The following ZNF675 variants were observed in gnomAD, a reference collection of about 807,000 sequenced individuals.
The protein encoded by ZNF675 is TRAF6 inhibitory zinc finger.
A neutral mutation model predicts 56.1 loss-of-function variants in ZNF675; 36 were observed. The ratio of observed to expected loss-of-function variants is 0.64; its 90% CI spans 0.49 to 0.85. ZNF675 has a LOEUF of 0.85. Among genes scored for constraint, ZNF675 ranks in the 40% least tolerant of loss-of-function variants. The pLI is 0.00. For missense variants in ZNF675, 663 were observed against 654.2 expected (o/e 1.01, Z -0.15); for synonymous variants, 200 against 218.9 (o/e 0.91, Z 0.76).
At chr19:23,658,972 T>TAG (rs1568289324) in intron 3 of ZNF675, among the ~76,000 whole-genome samples, 14 of 146,274 alleles carry the variant, frequency 9.6e-5, no homozygotes, top group African/African-American at 3.5e-4. Flanking sequence ...TAGATAGATA[T>TAG]AGATCTAGAG....
chr19:23,684,438 A>G (rs994197681), intron 1 of ZNF675, among the ~76,000 whole-genome samples: 20 of 151,988 alleles, frequency 1.3e-4, no homozygotes, highest in Non-Finnish European at 2.6e-4. Flanking sequence ...TGAGGTCGGG[A>G]GTTTGAGACA....
intron 1 of ZNF675, chr19:23,686,332 T>G (rs73017744): frequency 6.6e-6 from 1 of 152,228 alleles, no homozygotes; most frequent in Non-Finnish European, 1.5e-5. Flanking sequence ...CTTATTTATT[T>G]ATATATTTTT....
At chr19:23,668,851 G>A (rs960399273) in intron 1 of ZNF675, among the ~76,000 whole-genome samples, 1 of 152,166 alleles carries the variant, frequency 6.6e-6, no homozygotes, top group African/African-American at 2.4e-5. Context: ...ACGCCCACCC[G>A]GAACTCCAGC....
At chr19:23,685,043 G>A (rs1968425697) in intron 1 of ZNF675, among the ~76,000 whole-genome samples, 1 of 152,014 alleles carries the variant, frequency 6.6e-6, no homozygotes, top group African/African-American at 2.4e-5. Context: ...TTCACTCTTG[G>A]TGCCCAGGCT....
chr19:23,673,902 G>C (rs915064136), intron 1 of ZNF675, among the ~76,000 whole-genome samples: 1 of 151,820 alleles, frequency 6.6e-6, no homozygotes, highest in Non-Finnish European at 1.5e-5. Flanking sequence ...CACAATGATA[G>C]AACATTAAGA....
At chr19:23,682,214 C>T (rs1388710744) in intron 1 of ZNF675, among the ~76,000 whole-genome samples, 3 of 151,728 alleles carry the variant, frequency 2.0e-5, no homozygotes, top group Non-Finnish European at 4.4e-5. Flanking sequence ...TTATGTTCAC[C>T]CTAAGAATAT....
intron 1 of ZNF675, among the ~76,000 whole-genome samples, chr19:23,673,148 T>G (rs1201380995): frequency 6.6e-6 from 1 of 152,186 alleles, no homozygotes; most frequent in Non-Finnish European, 1.5e-5. Context: ...CAGATATAAG[T>G]TTTTTAATTT....
chr19:23,676,677 C>T (rs545378101), intron 1 of ZNF675, among the ~76,000 whole-genome samples: 123 of 151,984 alleles, frequency 8.1e-4, no homozygotes, highest in Non-Finnish European at 1.4e-3. Flanking sequence ...TAACCCTCAA[C>T]AAACTAGGCA....
intron 1 of ZNF675, among the ~76,000 whole-genome samples, chr19:23,675,274 C>A (rs561737973): frequency 6.6e-6 from 1 of 151,834 alleles, no homozygotes; most frequent in Non-Finnish European, 1.5e-5. Context: ...CTACAATACA[C>A]CACAGACACT....
rs958929697 is a variant in ZNF675, at chr19:23,682,131, T to C, written c.3+4900A>G. Among the ~76,000 whole-genome samples, 15 of 151,768 alleles carry C rather than the reference T, an allele frequency of 9.9e-5. 2 individuals are homozygous for C. Among genetic ancestry groups the C allele is most frequent in the African/African-American group, 3.7e-4 (15 of 41,060 alleles). On this transcript the variant is annotated intron_variant, in intron 1 of 3. Coordinates refer to ENST00000359788, the MANE Select transcript of ZNF675 (RefSeq NM_138330.3). ...TCAGTGGTCAAAATAAAATACTTCTTAATCAAACTTCTTTTTCCCACAGCA... is the reference window on the plus strand; with the variant it reads ...TCAGTGGTCAAAATAAAATACTTCTCAATCAAACTTCTTTTTCCCACAGCA...
At chr19:23,679,748 T>C (rs1370394610) in intron 1 of ZNF675, among the ~76,000 whole-genome samples, 2 of 151,506 alleles carry the variant, frequency 1.3e-5, no homozygotes, top group African/African-American at 4.9e-5. Context: ...CCCAGCACTT[T>C]GGGATGCAGA....
rs776174445 is a variant in ZNF675, at chr19:23,653,862, T to G, written c.1071A>C (p.Glu357Asp). The change falls in exon 4 of 4, where the codon GAA (glutamate) becomes GAC (aspartate). Residue 357 changes from glutamate to aspartate, a missense_variant. Physicochemically the swap from Glu to Asp is conservative, Grantham distance 45. This residue lies in a region of ZNF675 where 617 missense variants were observed against 590.5 expected (regional missense o/e 1.04). Coordinates refer to ENST00000359788, the MANE Select transcript of ZNF675 (RefSeq NM_138330.3). The part of the protein sequence containing the change: ...KAFNRSSKLT[E>D]HKNIHTGEQP... Reference sequence around the variant, plus strand: ...GCTCTCCAGTATGAATGTTTTTATGTTCAGTAAGTTTTGAGGATCGGTTAA... The same window carrying G: ...GCTCTCCAGTATGAATGTTTTTATGGTCAGTAAGTTTTGAGGATCGGTTAA... The G allele has an allele frequency of 6.2e-7, 1 of 1,613,786 alleles. No individual in the cohort carries two copies. The highest frequency in any genetic ancestry group is 1.3e-5 in the African/African-American group (1 of 74,918).
rs1484004351 is a variant in ZNF675, at chr19:23,658,010, T to C, written c.227-3304A>G. Among the ~76,000 whole-genome samples the C allele has an allele frequency of 7.2e-5, 11 of 152,238 alleles. No individual in the cohort carries two copies. The East Asian group carries it at 9.7e-4, about 13-fold the overall frequency. ...ACATTAATATGGAATGGCAAAACCA[T>C]AGTAAGAGAAACGTTTACTCATAAA... On this transcript the variant is annotated intron_variant, in intron 3 of 3. Coordinates refer to ENST00000359788, the MANE Select transcript of ZNF675 (RefSeq NM_138330.3).
chr19:23,675,944 T>A (rs1282073872), intron 1 of ZNF675, among the ~76,000 whole-genome samples: 1 of 122,918 alleles, frequency 8.1e-6, no homozygotes. Flanking sequence ...GTAAGATAAA[T>A]AAACCACTAG....
chr19:23,681,066 C>T lies in ZNF675; in HGVS notation c.3+5965G>A, dbSNP rs1337807538. 1.3e-5 allele frequency among the ~76,000 whole-genome samples: 2 copies of T among 151,734 alleles called. 1 individual carries two copies. Among genetic ancestry groups the T allele is most frequent in the African/African-American group, 4.9e-5 (2 of 41,032 alleles). On this transcript the variant is annotated intron_variant, in intron 1 of 3. Transcript: ENST00000359788. ...ATGTAAGTGGAAGGACTGGTTTGTACTACAGATAGTGGCTTAGGTGAGGCT... is the reference window on the plus strand; with the variant it reads ...ATGTAAGTGGAAGGACTGGTTTGTATTACAGATAGTGGCTTAGGTGAGGCT...
chr19:23,659,054 GCGCC>G (rs1196888791), intron 3 of ZNF675, among the ~76,000 whole-genome samples: 11 of 149,620 alleles, frequency 7.4e-5, no homozygotes, highest in Non-Finnish European at 1.3e-4. Flanking sequence ...TATGGTTAGA[GCGCC>G]TGATATATAA....
At chr19:23,658,032 T>G (rs1968010967) in intron 3 of ZNF675, among the ~76,000 whole-genome samples, 1 of 152,072 alleles carries the variant, frequency 6.6e-6, no homozygotes, top group Non-Finnish European at 1.5e-5. Flanking sequence ...CGTTTACTCA[T>G]AAAATCTTGC....
chr19:23,677,925 G>A lies in ZNF675; in HGVS notation c.3+9106C>T, dbSNP rs1968321241. On this transcript the variant is annotated intron_variant, in intron 1 of 3. Coordinates refer to ENST00000359788, the MANE Select transcript of ZNF675 (RefSeq NM_138330.3). Reference sequence around the variant, plus strand: ...ACCTGAGGTCGGGAGTTTGAGACTAGCCTGACCAACATAGAGAAACCCCAT... The same window carrying A: ...ACCTGAGGTCGGGAGTTTGAGACTAACCTGACCAACATAGAGAAACCCCAT... 4.0e-5 allele frequency among the ~76,000 whole-genome samples: 6 copies of A among 151,634 alleles called. No homozygotes were observed. In the South Asian group the frequency reaches 1.0e-3, roughly 26 times the overall value.
At chr19:23,682,327 T>C (rs1968387548) in intron 1 of ZNF675, among the ~76,000 whole-genome samples, 1 of 151,820 alleles carries the variant, frequency 6.6e-6, no homozygotes, top group Non-Finnish European at 1.5e-5. Flanking sequence ...TTCTCCCCTC[T>C]GTGGAAAAAA....
Sources: allele counts gnomAD v4.1 joint callset (sites outside exome capture counted in the v4.1 genomes callset), GRCh38; gene constraint gnomAD v4.1.1; regional missense constraint gnomAD v4.1.1; transcripts MANE v1.5; gene names NCBI Gene and HGNC (gene_info 2026-07-23, HGNC 2026-07-21).